PRH1: variants seen among roughly 807,000 people sequenced by gnomAD.
The protein encoded by PRH1 is proline rich protein HaeIII subfamily 1, also known as salivary acidic proline-rich phosphoprotein 1/2.
Under a neutral mutation model 7.9 loss-of-function variants are expected in PRH1, and 7 were observed. The ratio of observed to expected loss-of-function variants is 0.89; its 90% CI spans 0.50 to 1.67. PRH1 has a LOEUF of 1.67. Among genes scored for constraint, PRH1 ranks in the 40% most tolerant of loss-of-function variants. PRH1 has a pLI of 0.00. For missense variants in PRH1, 109 were observed against 223.6 expected (o/e 0.49, Z 3.27); for synonymous variants, 45 against 80.8 (o/e 0.56, Z 2.38).
In PRH1 at chr12:11,062,352, T is replaced by C; in HGVS notation, n.124-15164A>G. On this transcript the variant is annotated intron_variant and non_coding_transcript_variant, in intron 1 of 4. Coordinates refer to the PRH1 transcript ENST00000541977. ...CTGGTGTAATATCACTGGTTGTGAT[T>C]GCTTGAATATCCTGACCTTAAATTC... The C allele has an allele frequency of 2.8e-6, 4 of 1,428,984 alleles. No homozygotes were observed. In the South Asian group the frequency reaches 5.9e-5, roughly 21 times the overall value. 88.5% of individuals were successfully genotyped at this position (1,428,984 alleles called of 1,614,324 possible).
intron 1 of PRH1, among the ~76,000 whole-genome samples, chr12:11,101,035 T>A (rs531903194): frequency 2.6e-5 from 4 of 152,324 alleles, no homozygotes; most frequent in Admixed American, 2.6e-4. Context: ...CTGAATTTCT[T>A]ACACTTTCAA....
intron 1 of PRH1, among the ~76,000 whole-genome samples, chr12:11,167,445 ATTT>A (rs145652303): frequency 7.1e-6 from 1 of 140,414 alleles, no homozygotes. Flanking sequence ...AAGGCTTGTA[ATTT>A]TTTTTTTTTT....
Position 11,064,561 on chromosome 12 carries a change from T to C in PRH1, n.124-17373A>G, listed in dbSNP as rs376880255. 1.2e-3 allele frequency among the ~76,000 whole-genome samples: 190 copies of C among 152,156 alleles called. 7 individuals carry two copies. In the South Asian group the frequency reaches 0.036, roughly 29 times the overall value. On this transcript the variant is annotated intron_variant and non_coding_transcript_variant, in intron 1 of 4. Transcript: ENST00000541977. ...ATTGTGCAAAATATCCTCATAGACA[T>C]AGAAAAGTTTAAAAGATAATTTAAC...
chr12:10,996,922 A>G, intron 1 of PRH1: 1 of 1,550,356 alleles, frequency 6.5e-7, no homozygotes, highest in Non-Finnish European at 8.7e-7. Context: ...CTGCTAGAAA[A>G]CACACAATGC....
At chr12:11,012,545 G>T (rs1027217392) in intron 1 of PRH1, among the ~76,000 whole-genome samples, 1 of 152,108 alleles carries the variant, frequency 6.6e-6, no homozygotes, top group Non-Finnish European at 1.5e-5. Context: ...ATACTTAAAA[G>T]ATACCAGTGA....
intron 2 of PRH1, among the ~76,000 whole-genome samples, chr12:10,954,377 A>C (rs1320684069): frequency 6.6e-6 from 1 of 152,254 alleles, no homozygotes; most frequent in African/African-American, 2.4e-5. Context: ...ACTTACATGC[A>C]GTGATACCCA....
At chr12:11,144,449 G>C (rs1265649076) in intron 1 of PRH1, among the ~76,000 whole-genome samples, 1 of 152,146 alleles carries the variant, frequency 6.6e-6, no homozygotes, top group East Asian at 1.9e-4. Context: ...GCCCCTCCCA[G>C]CCGACAGCAC....
At chr12:11,091,143 T>TATATA (rs1565644368) in intron 1 of PRH1, 15 of 61,252 alleles carry the variant, frequency 2.4e-4, no homozygotes, top group Non-Finnish European at 4.5e-4. Context: ...TATATATATA[T>TATATA]TTTCTAGACT....
intron 2 of PRH1, among the ~76,000 whole-genome samples, chr12:10,943,396 C>T (rs139814559): frequency 2.5e-4 from 38 of 152,242 alleles, no homozygotes; most frequent in African/African-American, 9.1e-4. Context: ...AGTGTCTGTT[C>T]AGGTCTTTTG....
At chr12:11,125,643 A>G (rs529842313) in intron 1 of PRH1, among the ~76,000 whole-genome samples, 2 of 152,410 alleles carry the variant, frequency 1.3e-5, no homozygotes, top group East Asian at 1.9e-4. Context: ...TGGTAAAAAT[A>G]TGTGTATTAT....
intron 1 of PRH1, among the ~76,000 whole-genome samples, chr12:11,069,439 C>A: frequency 6.3e-5 from 1 of 15,852 alleles, no homozygotes; most frequent in Admixed American, 1.5e-3. Flanking sequence ...CTTGGGCAAT[C>A]TCATGTTTTC....
At chr12:10,963,773 T>C (rs1049440210) in intron 2 of PRH1, among the ~76,000 whole-genome samples, 5 of 152,206 alleles carry the variant, frequency 3.3e-5, no homozygotes, top group Non-Finnish European at 7.3e-5. Context: ...GTACTGATGA[T>C]GGTAGACATA....
intron 1 of PRH1, among the ~76,000 whole-genome samples, chr12:10,978,259 G>T (rs1178384213): frequency 6.6e-6 from 1 of 152,020 alleles, no homozygotes; most frequent in Non-Finnish European, 1.5e-5. Flanking sequence ...CAGAAATAAT[G>T]CCACCCACCT....
At chr12:11,031,272 A>C in intron 1 of PRH1, 1 of 1,613,990 alleles carries the variant, frequency 6.2e-7, no homozygotes, top group Non-Finnish European at 8.5e-7. Context: ...CCATTAGCAA[A>C]ATTTCCAATA....
At chr12:10,988,306 C>T (rs577397138) in intron 1 of PRH1, among the ~76,000 whole-genome samples, 32 of 152,034 alleles carry the variant, frequency 2.1e-4, no homozygotes, top group African/African-American at 7.7e-4. Context: ...AATATATTTG[C>T]CCCTGTTTTG....
chr12:11,133,128 C>CAG, intron 1 of PRH1: 2 of 809,010 alleles, frequency 2.5e-6, no homozygotes, highest in Non-Finnish European at 3.5e-6. Context: ...CATACACACA[C>CAG]ACACACACAC....
At chr12:11,051,355 T>A (rs1044356813), upstream of PRH1, among the ~76,000 whole-genome samples, 3 of 152,054 alleles carry the variant, frequency 2.0e-5, no homozygotes, top group African/African-American at 4.8e-5. Context: ...CATGAATGTA[T>A]ACAGTGTATT....
chr12:11,111,085 C>T (rs1022755142), intron 1 of PRH1, among the ~76,000 whole-genome samples: 15 of 152,072 alleles, frequency 9.9e-5, no homozygotes, highest in South Asian at 2.1e-4. Flanking sequence ...AAGGAATCAA[C>T]GCAACAAGAA....
At position 11,028,426 on chromosome 12, in the gene PRH1, G is replaced by A. The variant is rs1472172565; in HGVS notation, c.-126+18594C>T. On this transcript the variant is annotated intron_variant, in intron 1 of 3. Coordinates refer to the PRH1 transcript ENST00000539853. ...CTCACTGTGAAGTGGCTGCCATCAG[G>A]GTCATACCAGACATCACCACACATT... is the stretch of plus-strand genomic sequence containing the variant. Among the ~76,000 whole-genome samples the A allele has an allele frequency of 2.6e-5, 4 of 152,248 alleles. No homozygotes were observed. The South Asian group carries it at 8.3e-4, about 32-fold the overall frequency.
Sources: gnomAD v4.1 joint callset for allele counts (sites outside exome capture counted in the v4.1 genomes callset) on GRCh38, gnomAD v4.1.1 for gene constraint, MANE v1.5 for transcripts, NCBI Gene and HGNC (gene_info 2026-07-23, HGNC 2026-07-21) for gene names.